ST6GALNAC4: variants seen among roughly 807,000 people sequenced by gnomAD.
ST6GALNAC4 encodes the protein ST6 N-acetylgalactosaminide alpha-2,6-sialyltransferase 4, also known as alpha-N-acetyl-neuraminyl-2,3-beta-galactosyl-1,3-N-acetyl-galactosaminide alpha-2,6-sialyltransferase.
A neutral mutation model predicts 30.4 loss-of-function variants in ST6GALNAC4; 24 were observed. The ratio of observed to expected loss-of-function variants is 0.79; its 90% CI spans 0.57 to 1.11. The LOEUF is 1.11. ST6GALNAC4 is among the 50% of genes most tolerant of loss of function. The pLI is 0.00. For synonymous variants in ST6GALNAC4, 156 were observed against 179.7 expected (o/e 0.87, Z 1.05); for missense variants, 365 against 430.1 (o/e 0.85, Z 1.34).
chr9:127,912,594 G>A lies in ST6GALNAC4; in HGVS notation c.285C>T (p.Asp95=), dbSNP rs536237498. Residue 95 remains aspartate, a synonymous_variant, in exon 4 of 6, where the codon GAC becomes GAT. Coordinates refer to ENST00000335791, the MANE Select transcript of ST6GALNAC4 (RefSeq NM_175039.4). ...MLGSGLGAEI[D]SAECVFRMNQ... ...TCATGCGGAACACGCACTCGGCACT[G>A]TCGATCTCAGCACCCAGGCCTGAGC... 2 of 1,610,018 alleles carry A rather than the reference G, an allele frequency of 1.2e-6. No individual in the cohort carries two copies. The highest frequency in any genetic ancestry group is 4.5e-5 in the East Asian group (2 of 44,880).
intron 3 of ST6GALNAC4, 114 bp downstream of exon 3, chr9:127,914,542 A>ATG (rs1742907091): frequency 4.2e-6 from 1 of 237,356 alleles, no homozygotes; most frequent in Non-Finnish European, 7.9e-6. Flanking sequence ...CAGAGAGGTG[A>ATG]TGTGATTGGC....
rs549640416 is a variant in ST6GALNAC4 at position 127,909,919 on chromosome 9, C to T, written c.719+32G>A. 2.1e-5 allele frequency: 34 copies of T among 1,603,778 alleles called. No homozygotes were observed. The East Asian group carries it at 3.6e-4, about 17-fold the overall frequency. ...CTAGGAGGGCTCACAGTCCTCCCCG[C>T]GTCCCCGCGTGCCCGGCCTGGCCGG... On this transcript the variant is annotated intron_variant, in intron 5 of 5. Coordinates refer to ENST00000335791, the MANE Select transcript of ST6GALNAC4 (RefSeq NM_175039.4).
chr9:127,916,492 C>A lies in ST6GALNAC4; in HGVS notation c.-73G>T. On this transcript the variant is annotated splice_region_variant and 5_prime_UTR_variant, in exon 2 of 6. Transcript: ENST00000335791. ...GGGCTGGGAAGGGGTGGGAGCCGGG[C>A]ACCTGCCAAGACCCAGAAACTCAGA... The A allele has an allele frequency of 1.0e-5, 16 of 1,593,738 alleles. No individual in the cohort carries two copies. The South Asian group carries it at 1.7e-4, about 16-fold the overall frequency.
At chr9:127,912,789 T>C in intron 3 of ST6GALNAC4, 109 bp from the exon 4 acceptor site, 1 of 1,331,950 alleles carries the variant, frequency 7.5e-7, no homozygotes, top group South Asian at 1.5e-5. Flanking sequence ...GGTATCGGCT[T>C]GAAGGACTGT....
At chr9:127,915,340 C>T (rs1413046382) in intron 2 of ST6GALNAC4, among the ~76,000 whole-genome samples, 5 of 152,084 alleles carry the variant, frequency 3.3e-5, no homozygotes, top group African/African-American at 4.8e-5. Flanking sequence ...AAAGTGGTGC[C>T]TCAGAAGGGC....
intron 4 of ST6GALNAC4, among the ~76,000 whole-genome samples, chr9:127,910,942 C>T (rs552902451): frequency 9.9e-5 from 15 of 152,260 alleles, no homozygotes; most frequent in South Asian, 4.1e-4. Flanking sequence ...AATGCCAGGG[C>T]GGGAGGCACT....
chr9:127,908,239 T>A lies in ST6GALNAC4; in HGVS notation c.*153A>T. On this transcript the variant is annotated 3_prime_UTR_variant, in exon 6 of 6. Coordinates refer to ENST00000335791, the MANE Select transcript of ST6GALNAC4 (RefSeq NM_175039.4). Reference sequence around the variant, plus strand: ...ATGAGGCCTGAGATGGCTCCAAGTGTCGCCAGAATGGGGCGGGAAGGAACC... The same window carrying A: ...ATGAGGCCTGAGATGGCTCCAAGTGACGCCAGAATGGGGCGGGAAGGAACC... 1 of 583,550 alleles carries A rather than the reference T, an allele frequency of 1.7e-6. No homozygotes were observed. The highest frequency in any genetic ancestry group is 3.7e-5 in the East Asian group (1 of 27,220). The allele number at this position is 583,550 out of a possible 1,614,324, so 36.1% of individuals were successfully genotyped here. A position where few individuals can be genotyped will look rare whatever the true frequency, so the allele number is the denominator to read the frequency against.
chr9:127,914,931 G>C, intron 2 of ST6GALNAC4, 90 bp from the exon 3 acceptor site: 1 of 1,240,006 alleles, frequency 8.1e-7, no homozygotes, highest in Non-Finnish European at 1.1e-6. Context: ...TGGGTCTAGA[G>C]AAGCTCCTGG....
rs148371246 is a variant in ST6GALNAC4 at position 127,912,172 on chromosome 9, C to T, written c.611+96G>A. 6.3e-3 allele frequency: 9,331 copies of T among 1,472,274 alleles called. 45 individuals are homozygous for T. Among genetic ancestry groups the T allele is most frequent in the Non-Finnish European group, 7.6e-3 (8,399 of 1,102,072 alleles). The allele number at this position is 1,472,274 out of a possible 1,614,324, so 91.2% of individuals were successfully genotyped here. A position where few individuals can be genotyped will look rare whatever the true frequency, so the allele number is the denominator to read the frequency against. ...TCTGCCTCCATGAGTGCTGACCTCC[C>T]GGGCCTGACAGAGCAGCCCCTGATG... On this transcript the variant is annotated intron_variant, in intron 4 of 5. Coordinates refer to ENST00000335791, the MANE Select transcript of ST6GALNAC4 (RefSeq NM_175039.4).
At chr9:127,913,938 G>A (rs999221729) in intron 3 of ST6GALNAC4, among the ~76,000 whole-genome samples, 6 of 152,180 alleles carry the variant, frequency 3.9e-5, no homozygotes, top group Non-Finnish European at 7.4e-5. Flanking sequence ...ACTGTGACCA[G>A]ATCTTCCAGG....
At chr9:127,915,386 G>T (rs1831174363) in intron 2 of ST6GALNAC4, among the ~76,000 whole-genome samples, 2 of 152,226 alleles carry the variant, frequency 1.3e-5, no homozygotes, top group South Asian at 2.1e-4. Flanking sequence ...GGGCTGCCTA[G>T]TGTGGCCCCG....
chr9:127,909,590 G>T (rs1337242507), intron 5 of ST6GALNAC4, among the ~76,000 whole-genome samples: 1 of 148,506 alleles, frequency 6.7e-6, no homozygotes, highest in East Asian at 1.9e-4. Context: ...ATATATATAG[G>T]CCCTGACTGT....
rs1438103260 is a variant in ST6GALNAC4 at position 127,909,363 on chromosome 9, T to G, written c.719+588A>C. Among the ~76,000 whole-genome samples, 3 of 149,046 alleles carry G rather than the reference T, an allele frequency of 2.0e-5. No individual in the cohort carries two copies. The South Asian group carries it at 6.3e-4, about 31-fold the overall frequency. ...AAGATCGCGCCACTGCACTCCAGCCTGGGCAACAAGAGCAAAACTCCATCT... is the reference window on the plus strand; with the variant it reads ...AAGATCGCGCCACTGCACTCCAGCCGGGGCAACAAGAGCAAAACTCCATCT... On this transcript the variant is annotated intron_variant, in intron 5 of 5. Coordinates refer to ENST00000335791, the MANE Select transcript of ST6GALNAC4 (RefSeq NM_175039.4).
intron 3 of ST6GALNAC4, 76 bp downstream of exon 3, chr9:127,914,580 G>A (rs899561054): frequency 1.4e-6 from 2 of 1,392,342 alleles, no homozygotes; most frequent in South Asian, 1.5e-5. Flanking sequence ...TGAGTAGAGG[G>A]GCCAAGCTCA....
chr9:127,910,991 G>A (rs1050441153), intron 4 of ST6GALNAC4, among the ~76,000 whole-genome samples: 1 of 152,222 alleles, frequency 6.6e-6, no homozygotes. Flanking sequence ...TCCCTGAGGA[G>A]GTGACCTGAG....
Position 127,916,480 on chromosome 9 carries a change from G to T in ST6GALNAC4, c.-61C>A, listed in dbSNP as rs1564133669. 2 of 1,607,256 alleles carry T rather than the reference G, an allele frequency of 1.2e-6. No individual in the cohort carries two copies. Among genetic ancestry groups the T allele is most frequent in the East Asian group, 2.2e-5 (1 of 44,830 alleles). The stretch of plus-strand genomic sequence containing the variant: ...TCTCCAGGGCTGGGGCTGGGAAGGG[G>T]TGGGAGCCGGGCACCTGCCAAGACC... On this transcript the variant is annotated 5_prime_UTR_variant, in exon 2 of 6. Coordinates refer to ENST00000335791, the MANE Select transcript of ST6GALNAC4 (RefSeq NM_175039.4).
intron 5 of ST6GALNAC4, 88 bp from the exon 6 acceptor site, chr9:127,908,669 G>A: frequency 7.7e-7 from 1 of 1,291,514 alleles, no homozygotes; most frequent in East Asian, 2.6e-5. Flanking sequence ...CCCCTCGCCA[G>A]GCCCATGGGC....
At chr9:127,916,133 C>T (rs1831189697) in intron 2 of ST6GALNAC4, 1 of 558,948 alleles carries the variant, frequency 1.8e-6, no homozygotes, top group Non-Finnish European at 3.2e-6. Context: ...CTGAACTTCA[C>T]AACCCCAGTT....
intron 5 of ST6GALNAC4, 134 bp from the exon 6 acceptor site, chr9:127,908,715 AG>A (rs754187185): frequency 6.9e-5 from 49 of 715,000 alleles, no homozygotes; most frequent in Non-Finnish European, 9.9e-5. Flanking sequence ...GGGGAGGCCA[AG>A]ACACATAGGG....
Sources: allele counts gnomAD v4.1 joint callset (sites outside exome capture counted in the v4.1 genomes callset), GRCh38; gene constraint gnomAD v4.1.1; transcripts MANE v1.5; gene names NCBI Gene and HGNC (gene_info 2026-07-23, HGNC 2026-07-21).